WDR86: variants seen among roughly 807,000 people sequenced by gnomAD.
The protein encoded by WDR86 is WD repeat-containing protein 86.
A neutral mutation model predicts 36.5 loss-of-function variants in WDR86; 30 were observed. That is an observed-to-expected ratio of 0.82 (90% CI 0.61 to 1.11). WDR86 has a LOEUF of 1.11. WDR86 is among the 50% of genes most tolerant of loss of function. The pLI is 0.00. For missense variants in WDR86, 545 were observed against 561.2 expected (o/e 0.97, Z 0.29); for synonymous variants, 255 against 252.9 (o/e 1.01, Z -0.08).
rs1468650700 is a variant in WDR86 at position 151,409,255 on chromosome 7, C to T, written c.163+172G>A. Reference sequence around the variant, plus strand: ...ACCCCCAGACCTCACCCTGCCCTGCCGTGCGCTCAACAGCCAGATGCTGGG... The same window carrying T: ...ACCCCCAGACCTCACCCTGCCCTGCTGTGCGCTCAACAGCCAGATGCTGGG... On this transcript the variant is annotated intron_variant, in intron 1 of 5. Coordinates refer to ENST00000334493, the MANE Select transcript of WDR86 (RefSeq NM_198285.3). This position sits in a 1 kb window ranked among gnomAD's most constrained non-coding sequence, Gnocchi z 5.2. 4 of 1,155,758 alleles carry T rather than the reference C, an allele frequency of 3.5e-6. No individual in the cohort carries two copies. The highest frequency in any genetic ancestry group is 2.2e-4 in the Middle Eastern group (1 of 4,488). 71.6% of individuals were successfully genotyped at this position (1,155,758 alleles called of 1,614,324 possible). A position where few individuals can be genotyped will look rare whatever the true frequency, so the allele number is the denominator to read the frequency against.
chr7:151,378,026 C>CAG (rs1401610217), downstream of WDR86: 2 of 152,230 alleles, frequency 1.3e-5, no homozygotes, highest in Admixed American at 6.5e-5. Flanking sequence ...AGAGACCTAT[C>CAG]AGAGATTTAG....
rs558402328 is a variant in WDR86, at chr7:151,390,151, C to T, written c.727-4928G>A. Among the ~76,000 whole-genome samples the T allele has an allele frequency of 2.0e-4, 31 of 152,252 alleles. 1 individual carries two copies. The Middle Eastern group carries it at 0.014, about 67-fold the overall frequency. Reference sequence around the variant, plus strand: ...CACGAACCAAGGGACAGTCAGAGCTCGGGGAGACGGAGCACTCGCAGGGCC... The same window carrying T: ...CACGAACCAAGGGACAGTCAGAGCTTGGGGAGACGGAGCACTCGCAGGGCC... On this transcript the variant is annotated intron_variant, in intron 3 of 5. Transcript: ENST00000334493. The surrounding 1 kb of genome is among the most constrained non-coding windows in gnomAD (Gnocchi z 4.5).
Position 151,405,064 on chromosome 7 carries a change from G to C in WDR86, c.163+4363C>G, listed in dbSNP as rs980548457. 4.6e-5 allele frequency among the ~76,000 whole-genome samples: 7 copies of C among 152,134 alleles called. No homozygotes were observed. In the East Asian group the frequency reaches 5.8e-4, roughly 13 times the overall value. On this transcript the variant is annotated intron_variant, in intron 1 of 5. Transcript: ENST00000334493. The surrounding 1 kb of genome is among the most constrained non-coding windows in gnomAD (Gnocchi z 4.7). ...TAGCACAAGGGTTATTTTCACCTGTGGGGGAGGCCCCACTGAGCCTGCTGT... is the reference window on the plus strand; with the variant it reads ...TAGCACAAGGGTTATTTTCACCTGTCGGGGAGGCCCCACTGAGCCTGCTGT...
At chr7:151,386,548 G>A (rs1447701106) in intron 3 of WDR86, among the ~76,000 whole-genome samples, 1 of 152,196 alleles carries the variant, frequency 6.6e-6, no homozygotes, top group Non-Finnish European at 1.5e-5. Context: ...CCCAAGGACA[G>A]GGATACTGCC....
At position 151,400,237 on chromosome 7, in the gene WDR86, A is replaced by G. The variant is rs11767693; in HGVS notation, c.168T>C (p.His56=). The G allele has an allele frequency of 0.73, 1,167,851 of 1,603,190 alleles. 426,991 individuals carry two copies. The highest frequency in any genetic ancestry group is 0.85 in the East Asian group (37,567 of 44,418). ...GCTGGCAGAAGGTCACATAGCTTTC[A>G]TGTCCTGCAGATGAGGGACAGGGGA... ...DGQCCALLQG[H]ESYVTFCQLE... is the part of the protein sequence containing the mutation. The change falls in exon 2 of 6, where the codon CAT becomes CAC. Residue 56 remains histidine, a synonymous_variant. Coordinates refer to ENST00000334493, the MANE Select transcript of WDR86 (RefSeq NM_198285.3).
At chr7:151,374,753 T>C (rs2302129), downstream of WDR86, 1 of 168,162 alleles carries the variant, frequency 5.9e-6, no homozygotes, top group South Asian at 1.4e-4. Flanking sequence ...CTTCCTTCCC[T>C]GTGTTGGAGA....
At chr7:151,391,111 G>A (rs1799402323) in intron 3 of WDR86, among the ~76,000 whole-genome samples, 1 of 152,252 alleles carries the variant, frequency 6.6e-6, no homozygotes, top group Non-Finnish European at 1.5e-5. Context: ...GGCAGATCGT[G>A]AGCGGCACTT....
chr7:151,408,951 C>T (rs1800965822), intron 1 of WDR86: 1 of 472,756 alleles, frequency 2.1e-6, no homozygotes, highest in Non-Finnish European at 4.4e-6. Context: ...GCACACTTCT[C>T]CGCACCGCTG....
At chr7:151,370,489 C>T in the WDR86 span, among the ~76,000 whole-genome samples, 1 of 152,070 alleles carries the variant, frequency 6.6e-6, no homozygotes, top group African/African-American at 2.4e-5. Flanking sequence ...ACTATTACTC[C>T]ACTACCAGTA....
intron 2 of WDR86, among the ~76,000 whole-genome samples, chr7:151,397,199 C>A (rs1799886150): frequency 6.6e-6 from 1 of 152,226 alleles, no homozygotes; most frequent in African/African-American, 2.4e-5. Context: ...ACGGCCGGCC[C>A]TGCTGCTCCT....
exon 2 of WDR86, chr7:151,376,067 A>G (rs774096291): frequency 5.2e-5 from 37 of 706,090 alleles, no homozygotes; most frequent in Non-Finnish European, 8.0e-5. Context: ...CCCAGGCTCC[A>G]GGTGTAACCT....
At chr7:151,384,968 C>T in intron 4 of WDR86, 120 bp downstream of exon 4, 4 of 1,114,652 alleles carry the variant, frequency 3.6e-6, no homozygotes, top group Non-Finnish European at 5.0e-6. Flanking sequence ...CGAGCACTGC[C>T]ATTGGACGCT....
intron 1 of WDR86, among the ~76,000 whole-genome samples, chr7:151,403,630 G>A (rs1800496729): frequency 1.3e-5 from 2 of 152,140 alleles, no homozygotes; most frequent in Non-Finnish European, 2.9e-5. Flanking sequence ...AACAATGTAC[G>A]GATTAAGTCA....
intron 2 of WDR86, among the ~76,000 whole-genome samples, chr7:151,396,940 A>G (rs1799865745): frequency 6.6e-6 from 1 of 152,210 alleles, no homozygotes; most frequent in South Asian, 2.1e-4. Context: ...ACTGACCAAC[A>G]TGGGAGACCA....
intron 3 of WDR86, 49 bp downstream of exon 3, chr7:151,395,727 G>T: frequency 6.6e-7 from 1 of 1,505,044 alleles, no homozygotes; most frequent in South Asian, 1.3e-5. Context: ...CAGTGCAGGG[G>T]GTGACCTGGG....
downstream of WDR86, chr7:151,376,167 C>G (rs191846760): frequency 1.7e-5 from 9 of 528,108 alleles, no homozygotes; most frequent in African/African-American, 1.1e-4. Context: ...AGGAAGTTCT[C>G]TTTAGGTTTG....
In WDR86 at chr7:151,401,263, G is replaced by A. The variant is rs116749050; in HGVS notation, c.164-1022C>T. Among the ~76,000 whole-genome samples, 2,055 of 152,232 alleles carry A rather than the reference G, an allele frequency of 0.013. 47 individuals are homozygous for A. Among genetic ancestry groups the A allele is most frequent in the African/African-American group, 0.046 (1,916 of 41,504 alleles). The stretch of plus-strand genomic sequence containing the variant: ...CATTGCTCTATGCTGCATCTCCTTT[G>A]CTGTGTGTCTCCTGTTTCAATTCTG... On this transcript the variant is annotated intron_variant, in intron 1 of 5. Coordinates refer to ENST00000334493, the MANE Select transcript of WDR86 (RefSeq NM_198285.3). The surrounding 1 kb of genome is among the most constrained non-coding windows in gnomAD (Gnocchi z 4.3).
rs1304317696 is a variant in WDR86 at position 151,401,958 on chromosome 7, G to T, written c.164-1717C>A. On this transcript the variant is annotated intron_variant, in intron 1 of 5. Transcript: ENST00000334493. This position sits in a 1 kb window ranked among gnomAD's most constrained non-coding sequence, Gnocchi z 4.3. ...CAGCTACTCGGGAGGCTGAGGCAGA[G>T]AACTGCTTGAACCCGGAAGGCGGAG... Among the ~76,000 whole-genome samples the T allele has an allele frequency of 3.5e-5, 5 of 142,714 alleles. No homozygotes were observed. The highest frequency in any genetic ancestry group is 5.2e-5 in the African/African-American group (2 of 38,280). 93.6% of individuals were successfully genotyped at this position (142,714 alleles called of 152,430 possible).
chr7:151,375,058 G>A (rs1418981085), downstream of WDR86, among the ~76,000 whole-genome samples: 7 of 150,576 alleles, frequency 4.6e-5, no homozygotes, highest in Non-Finnish European at 7.4e-5. Context: ...AGGGGGTGGG[G>A]TGCAGGGCAG....
Sources: allele counts gnomAD v4.1 joint callset (sites outside exome capture counted in the v4.1 genomes callset), GRCh38; gene constraint gnomAD v4.1.1; non-coding constraint Gnocchi (gnomAD v3.1); transcripts MANE v1.5; gene names NCBI Gene and HGNC (gene_info 2026-07-23, HGNC 2026-07-21).